TLN2: variants seen among roughly 807,000 people sequenced by gnomAD.
The protein encoded by TLN2 is talin-2.
TLN2 carries 118 observed loss-of-function variants against 294.7 expected under a neutral mutation model. That is an observed-to-expected ratio of 0.40 (90% confidence interval 0.34 to 0.47). The LOEUF is 0.47. TLN2 is among the 20% of genes least tolerant of loss of function. TLN2 has a pLI of 0.84. For synonymous variants in TLN2, 1,431 were observed against 1,304.5 expected (o/e 1.10, Z -2.09); for missense variants, 3,083 against 3,282.2 (o/e 0.94, Z 1.48).
intron 2 of TLN2, among the ~76,000 whole-genome samples, chr15:62,601,021 A>G (rs1318437668): frequency 6.6e-6 from 1 of 152,166 alleles, no homozygotes; most frequent in African/African-American, 2.4e-5. Flanking sequence ...CAGTTAGTTA[A>G]TATGTCTCTA....
chr15:62,543,625 T>G lies in TLN2; in HGVS notation c.-237-46062T>G, dbSNP rs149136253. Among the ~76,000 whole-genome samples the G allele has an allele frequency of 3.2e-3, 479 of 151,964 alleles. 4 individuals carry two copies. The highest frequency in any genetic ancestry group is 0.011 in the African/African-American group (455 of 41,442). ...CAAAAATTAGTTGGGCGTGGTGGTG[T>G]GCGCCTGTAGTCCCAGCTACTGGGG... On this transcript the variant is annotated intron_variant, in intron 1 of 58. Transcript: ENST00000636159.
intron 45 of TLN2, among the ~76,000 whole-genome samples, chr15:62,788,743 A>C (rs1248979434): frequency 4.6e-5 from 7 of 152,250 alleles, no homozygotes; most frequent in African/African-American, 1.7e-4. Flanking sequence ...AACCCAGGTT[A>C]GTCGGGCATC....
Position 62,417,463 on chromosome 15 carries a change from G to A in TLN2, c.-238+26778G>A, listed in dbSNP as rs147359378. Among the ~76,000 whole-genome samples the A allele has an allele frequency of 7.1e-3, 1,082 of 152,294 alleles. 16 individuals carry two copies. The highest frequency in any genetic ancestry group is 0.025 in the African/African-American group (1,040 of 41,556). On this transcript the variant is annotated intron_variant, in intron 1 of 58. Coordinates refer to ENST00000636159, the MANE Select transcript of TLN2 (RefSeq NM_015059.3). The stretch of plus-strand genomic sequence containing the variant: ...ATTGCTTTACTGTGTCCTCATTAAG[G>A]ACTTTCCAAGAAACTTTGAGTTAAA...
intron 36 of TLN2, 132 bp downstream of exon 36, chr15:62,754,048 G>A (rs2141002721): frequency 1.6e-6 from 2 of 1,240,178 alleles, no homozygotes; most frequent in Non-Finnish European, 2.1e-6. Context: ...TGCCAGCATT[G>A]TAGATAATGA....
At chr15:62,603,050 G>A (rs1243999055) in intron 2 of TLN2, among the ~76,000 whole-genome samples, 1 of 151,824 alleles carries the variant, frequency 6.6e-6, no homozygotes, top group Non-Finnish European at 1.5e-5. Flanking sequence ...CAGCCACCAC[G>A]CCCGGCTAAT....
intron 58 of TLN2, among the ~76,000 whole-genome samples, chr15:62,839,539 G>GATTCTGACTTACGCAGGATTGC (rs1254056612): frequency 6.6e-6 from 1 of 152,224 alleles, no homozygotes; most frequent in African/African-American, 2.4e-5. Flanking sequence ...GAGCAGGTGG[G>GATTCTGACTTACGCAGGATTGC]ATTCTGACTT....
chr15:62,621,340 C>A (rs1252678230), intron 3 of TLN2, among the ~76,000 whole-genome samples: 1 of 152,112 alleles, frequency 6.6e-6, no homozygotes, highest in African/African-American at 2.4e-5. Context: ...GCATTTGGGG[C>A]ACAATATGCT....
chr15:62,791,319 C>T (rs2065062201), intron 45 of TLN2, among the ~76,000 whole-genome samples: 1 of 152,046 alleles, frequency 6.6e-6, no homozygotes, highest in Admixed American at 6.6e-5. Context: ...ACACCACTGC[C>T]CTCCAGCCTA....
At chr15:62,670,698 A>G (rs546010573) in intron 9 of TLN2, among the ~76,000 whole-genome samples, 87 of 152,340 alleles carry the variant, frequency 5.7e-4, no homozygotes, top group Non-Finnish European at 1.1e-3. Context: ...ACCACATTTT[A>G]TCCATTAGTT....
At chr15:62,667,847 A>G (rs1000144983) in intron 9 of TLN2, among the ~76,000 whole-genome samples, 5 of 152,244 alleles carry the variant, frequency 3.3e-5, no homozygotes, top group African/African-American at 1.2e-4. Context: ...TTATGTACAC[A>G]CAGTGAAATA....
intron 37 of TLN2, among the ~76,000 whole-genome samples, chr15:62,758,394 C>A (rs2062446706): frequency 2.6e-5 from 4 of 152,244 alleles, no homozygotes. Flanking sequence ...ACCACATACG[C>A]TGTTGCCTGC....
Position 62,722,341 on chromosome 15 carries a change from A to ATC in TLN2, c.2992-6_2992-5dup. 1 of 1,594,268 alleles carries ATC rather than the reference A, an allele frequency of 6.3e-7. No individual in the cohort carries two copies. Among genetic ancestry groups the ATC allele is most frequent in the Non-Finnish European group, 8.6e-7 (1 of 1,165,886 alleles). ...CCAGGAGCCATCTTACTTTCTTTTC[A>ATC]TCTCTCTATAGCCTGGAAGCAAGAT... On this transcript the variant is annotated splice_polypyrimidine_tract_variant and intron_variant, in intron 25 of 58. Transcript: ENST00000636159.
At chr15:62,660,407 A>G (rs1567286843) in intron 9 of TLN2, among the ~76,000 whole-genome samples, 1 of 152,186 alleles carries the variant, frequency 6.6e-6, no homozygotes, top group Non-Finnish European at 1.5e-5. Flanking sequence ...GATGGGGAGA[A>G]TAAGTGCTAG....
chr15:62,712,927 A>G (rs1290896122), intron 22 of TLN2, among the ~76,000 whole-genome samples: 1 of 152,176 alleles, frequency 6.6e-6, no homozygotes, highest in Non-Finnish European at 1.5e-5. Flanking sequence ...ATCACCTTCA[A>G]ATTCCTGCCC....
chr15:62,416,802 C>G (rs533440536), intron 1 of TLN2, among the ~76,000 whole-genome samples: 26 of 152,210 alleles, frequency 1.7e-4, no homozygotes, highest in African/African-American at 5.5e-4. Context: ...CCTAGAAGAC[C>G]GGGCTCTGCC....
At chr15:62,572,561 C>T (rs958843763) in intron 1 of TLN2, among the ~76,000 whole-genome samples, 1 of 152,196 alleles carries the variant, frequency 6.6e-6, no homozygotes, top group African/African-American at 2.4e-5. Context: ...AGCCTACTCT[C>T]CAGATCTACT....
chr15:62,750,369 G>A (rs767591040), intron 33 of TLN2, 33 bp from the exon 34 acceptor site: 2 of 1,580,060 alleles, frequency 1.3e-6, no homozygotes, highest in African/African-American at 2.7e-5. Context: ...TATGACATTT[G>A]CTTGCTTTTT....
chr15:62,532,815 G>C (rs922757488), intron 1 of TLN2, among the ~76,000 whole-genome samples: 3 of 152,094 alleles, frequency 2.0e-5, no homozygotes, highest in African/African-American at 7.2e-5. Context: ...TTCTTCCTCA[G>C]AACAGTGGGA....
At chr15:62,793,284 C>T (rs146236170) in intron 46 of TLN2, among the ~76,000 whole-genome samples, 4 of 151,908 alleles carry the variant, frequency 2.6e-5, no homozygotes, top group South Asian at 2.1e-4. Context: ...GGGGCAGTGG[C>T]GTGTGCCTTT....
Sources: allele counts gnomAD v4.1 joint callset (sites outside exome capture counted in the v4.1 genomes callset), GRCh38; gene constraint gnomAD v4.1.1; transcripts MANE v1.5; gene names NCBI Gene and HGNC (gene_info 2026-07-23, HGNC 2026-07-21).